The following LRRC56 variants were observed in gnomAD, a reference collection of about 807,000 sequenced individuals.
LRRC56 encodes leucine-rich repeat-containing protein 56.
In LRRC56, 41 loss-of-function variants were observed where a neutral mutation model predicts 47.8. That is an observed-to-expected ratio of 0.86 (90% confidence interval 0.67 to 1.11). The LOEUF (loss-of-function observed/expected upper bound fraction) is 1.11, where lower values mean the gene tolerates loss of function less well. LRRC56 is among the 50% of genes most tolerant of loss of function. The probability of loss-of-function intolerance (pLI) is 0.00; values close to 1 mark genes in which losing one functional copy is unlikely to be tolerated. For synonymous variants in LRRC56, 387 were observed against 311.2 expected, an observed-to-expected ratio of 1.24 and a Z score of -2.56; for missense variants, 759 against 704.2, an observed-to-expected ratio of 1.08 and a Z score of -0.88.
the LRRC56 span, among the ~76,000 whole-genome samples, chr11:512,511 A>G: frequency 0.22 from 33,245 of 152,068 alleles, 3,849 homozygotes; most frequent in Middle Eastern, 0.3. Flanking sequence ...CTGGGATGAC[A>G]CTGAGCCACC....
the LRRC56 span, chr11:532,110 C>G: frequency 3.5e-5 from 8 of 226,866 alleles, no homozygotes; most frequent in Non-Finnish European, 7.2e-5. Context: ...AGCCCAGACC[C>G]CTGACCGGCC....
the LRRC56 span, among the ~76,000 whole-genome samples, chr11:517,910 G>A: frequency 1.3e-5 from 2 of 152,198 alleles, no homozygotes; most frequent in Admixed American, 6.5e-5. Context: ...GTCAACTCAG[G>A]GTTAAATGGA....
upstream of LRRC56, chr11:534,562 C>G: frequency 1.7e-6 from 1 of 587,852 alleles, no homozygotes; most frequent in Non-Finnish European, 3.0e-6. Flanking sequence ...TCGCCTCGCC[C>G]CCACTTGCTC....
At chr11:551,609 C>T (rs780013123) in intron 9 of LRRC56, 42 bp from the exon 10 acceptor site, 8 of 1,520,330 alleles carry the variant, frequency 5.3e-6, no homozygotes, top group Non-Finnish European at 7.1e-6. Context: ...GGGGCGCTCT[C>T]AGGCTGGGCC....
the LRRC56 span, among the ~76,000 whole-genome samples, chr11:513,454 C>T: frequency 6.6e-6 from 1 of 152,162 alleles, no homozygotes; most frequent in Non-Finnish European, 1.5e-5. Context: ...CCACCGCACC[C>T]AGCAAAAGTG....
intron 1 of LRRC56, among the ~76,000 whole-genome samples, chr11:538,233 C>A (rs1851616933): frequency 6.6e-6 from 1 of 152,142 alleles, no homozygotes; most frequent in Admixed American, 6.5e-5. Flanking sequence ...GGCTCTTGGG[C>A]ACAGAGGAGA....
intron 6 of LRRC56, among the ~76,000 whole-genome samples, chr11:549,066 C>G (rs928003888): frequency 6.6e-6 from 1 of 152,166 alleles, no homozygotes; most frequent in Non-Finnish European, 1.5e-5. Flanking sequence ...GACGGACCAC[C>G]GGGAATGCAC....
At chr11:515,460 A>G in the LRRC56 span, among the ~76,000 whole-genome samples, 31 of 152,254 alleles carry the variant, frequency 2.0e-4, no homozygotes, top group Non-Finnish European at 3.4e-4. Context: ...TTTAAGAATC[A>G]TTTCTCTAAC....
upstream of LRRC56, chr11:534,596 G>A (rs1851340585): frequency 9.0e-6 from 5 of 557,060 alleles, no homozygotes; most frequent in East Asian, 6.0e-5. Context: ...GATGGGAAAA[G>A]GGACCCAGCC....
In LRRC56 at chr11:552,105, G is replaced by A. The variant is rs773018391; in HGVS notation, c.1054G>A (p.Glu352Lys). 20 of 1,611,024 alleles carry A rather than the reference G, an allele frequency of 1.2e-5. No individual in the cohort carries two copies. The highest frequency in any genetic ancestry group is 6.7e-5 in the Admixed American group (4 of 59,934). Reference protein sequence around the residue: ...RHQCQAREPPEQLPQHRPGDP... With the variant: ...RHQCQAREPPKQLPQHRPGDP... Reference sequence around the variant, plus strand: ...TCCTCCCCAGGCCAGGGAGCCCCCCGAGCAGCTGCCCCAACACAGGCCAGG... The same window carrying A: ...TCCTCCCCAGGCCAGGGAGCCCCCCAAGCAGCTGCCCCAACACAGGCCAGG... Residue 352 changes from glutamate to lysine, a missense_variant, in exon 12 of 14, where the codon GAG (glutamate) becomes AAG (lysine). Glu to Lys is a moderately conservative substitution (Grantham distance 56). Transcript: ENST00000270115.
the LRRC56 span, among the ~76,000 whole-genome samples, chr11:520,896 GTTCCA>G: frequency 6.6e-6 from 1 of 152,202 alleles, no homozygotes; most frequent in African/African-American, 2.4e-5. Context: ...CCAGCTGCTG[GTTCCA>G]TTCAACAGAA....
At chr11:550,462 C>G (rs145617129) in intron 8 of LRRC56, among the ~76,000 whole-genome samples, 190 bp downstream of exon 8, 1 of 152,188 alleles carries the variant, frequency 6.6e-6, no homozygotes, top group Non-Finnish European at 1.5e-5. Context: ...GGACCAGCCC[C>G]GCTAGATCCC....
the LRRC56 span, chr11:529,862 C>T: frequency 6.6e-6 from 1 of 152,212 alleles, no homozygotes; most frequent in Admixed American, 6.5e-5. Context: ...CCCAAGGGGT[C>T]AGCTCCCACA....
the LRRC56 span, among the ~76,000 whole-genome samples, chr11:526,551 T>C: frequency 2.0e-5 from 3 of 152,194 alleles, no homozygotes; most frequent in Non-Finnish European, 2.9e-5. Flanking sequence ...CAAATGCCTA[T>C]GGAGGAGGCT....
chr11:544,588 G>A (rs1851980262), intron 5 of LRRC56, 132 bp from the exon 6 acceptor site: 13 of 901,606 alleles, frequency 1.4e-5, no homozygotes, highest in Non-Finnish European at 1.8e-5. Flanking sequence ...CTCCTGTGGT[G>A]TGGAGGGAGG....
the LRRC56 span, among the ~76,000 whole-genome samples, chr11:510,474 A>T: frequency 1.3e-5 from 2 of 152,044 alleles, no homozygotes; most frequent in Admixed American, 1.3e-4. Flanking sequence ...ACAGTGGCTC[A>T]CACCTGTAAT....
chr11:539,285 C>T (rs918059437), intron 2 of LRRC56, among the ~76,000 whole-genome samples: 2 of 151,476 alleles, frequency 1.3e-5, no homozygotes, highest in Middle Eastern at 3.2e-3. Flanking sequence ...TGGGGTTTCA[C>T]CTCGTTAGCC....
chr11:551,827 G>A lies in LRRC56; in HGVS notation c.973G>A (p.Gly325Ser), dbSNP rs1035268836. The A allele has an allele frequency of 1.2e-6, 2 of 1,606,556 alleles. No individual in the cohort carries two copies. Among genetic ancestry groups the A allele is most frequent in the Non-Finnish European group, 1.7e-6 (2 of 1,175,678 alleles). The stretch of plus-strand genomic sequence containing the variant: ...AGATAACACCAGCAGCCTCACCCAT[G>A]GTAACTGACTTGCCTCAAAGCTGAC... The part of the protein sequence containing the change: ...PEDNTSSLTH[G>S]AGQVLCGNPT... The change falls in exon 10 of 14, where the codon GGT becomes AGT. Residue 325 changes from glycine (G) to serine (S), a missense_variant and splice_region_variant. Physicochemically the swap from Gly to Ser is moderately conservative, Grantham distance 56 (BLOSUM62 0). Transcript: ENST00000270115.
At chr11:534,602 C>T (rs1851341084), upstream of LRRC56, 2 of 548,800 alleles carry the variant, frequency 3.6e-6, no homozygotes, top group Non-Finnish European at 3.3e-6. Context: ...AAAAGGGACC[C>T]AGCCCTCAAA....
Sources: allele counts gnomAD v4.1 joint callset (sites outside exome capture counted in the v4.1 genomes callset), GRCh38; gene constraint gnomAD v4.1.1; transcripts MANE v1.5; gene names NCBI Gene and HGNC (gene_info 2026-07-23, HGNC 2026-07-21).